Variants in NOP58 observed in about 807,000 individuals in gnomAD.
The protein encoded by NOP58 is nucleolar protein 58.
A neutral mutation model predicts 71.2 loss-of-function variants in NOP58; 44 were observed. The ratio of observed to expected loss-of-function variants is 0.62; its 90% CI spans 0.49 to 0.79. NOP58 has a LOEUF of 0.79. Among genes scored for constraint, NOP58 ranks in the 30% least tolerant of loss-of-function variants. The probability of loss-of-function intolerance (pLI) is 0.00; values close to 1 mark genes in which losing one functional copy is unlikely to be tolerated. For missense variants in NOP58, 538 were observed against 620.2 expected (o/e 0.87, Z 1.41); for synonymous variants, 228 against 200.3 (o/e 1.14, Z -1.17).
At chr2:202,281,476 C>CA (rs937775156) in intron 3 of NOP58, among the ~76,000 whole-genome samples, 23 of 152,088 alleles carry the variant, frequency 1.5e-4, no homozygotes, top group African/African-American at 5.6e-4. Flanking sequence ...CAGGGTCTGT[C>CA]ACCAGGCTGC....
chr2:202,277,458 A>G (rs957869230), intron 2 of NOP58, among the ~76,000 whole-genome samples: 2 of 151,906 alleles, frequency 1.3e-5, no homozygotes, highest in Non-Finnish European at 2.9e-5. Flanking sequence ...AGCGTGGGTG[A>G]CAGTGAGATT....
chr2:202,277,304 C>CAA (rs1189696329), intron 2 of NOP58, among the ~76,000 whole-genome samples: 3 of 115,000 alleles, frequency 2.6e-5, no homozygotes, highest in Non-Finnish European at 3.7e-5. Context: ...GACTCTGTCT[C>CAA]AAAAAAAAAA....
intron 2 of NOP58, chr2:202,275,420 C>A (rs1220419966): frequency 7.1e-6 from 3 of 423,406 alleles, no homozygotes; most frequent in Non-Finnish European, 1.3e-5. Context: ...GATTATGTTC[C>A]AGAAGACCCT....
intron 14 of NOP58, 34 bp downstream of exon 14, chr2:202,303,091 G>C (rs1689120052): frequency 6.3e-7 from 1 of 1,599,490 alleles, no homozygotes; most frequent in African/African-American, 1.3e-5. Context: ...TTTTCACTTG[G>C]AGGGGCCAGT....
chr2:202,294,112 C>G (rs935940368), intron 9 of NOP58, among the ~76,000 whole-genome samples: 1 of 151,292 alleles, frequency 6.6e-6, no homozygotes, highest in Non-Finnish European at 1.5e-5. Flanking sequence ...GTCAGGAGTT[C>G]GAGACCAGCC....
In NOP58 at chr2:202,292,668, G is replaced by C; in HGVS notation, c.781-109G>C. ...GCATAGGTGATGTACCCAGTACCCA[G>C]GGTTGTGTAGCTGCTCTTTCATAAT... On this transcript the variant is annotated intron_variant, in intron 8 of 14. Transcript: ENST00000264279. 3.6e-6 allele frequency: 3 copies of C among 841,108 alleles called. No individual in the cohort carries two copies. The South Asian group carries it at 4.5e-5, about 13-fold the overall frequency. 52.1% of individuals were successfully genotyped at this position (841,108 alleles called of 1,614,324 possible).
Position 202,277,985 on chromosome 2 carries a change from C to A in NOP58, c.158C>A (p.Thr53Lys). Residue 53 changes from threonine (T) to lysine (K), a missense_variant, in exon 3 of 15, where the codon ACA (threonine) becomes AAA (lysine). Transcript: ENST00000264279. ...KLKHFEKFQDTAEALAAFTAL... is the reference protein window; with the variant it reads ...KLKHFEKFQDKAEALAAFTAL... ...AAACATTTTGAGAAATTTCAGGATA[C>A]AGCAGAAGCATTAGCAGGTAAAGTA... The A allele has an allele frequency of 2.6e-6, 4 of 1,551,278 alleles. No homozygotes were observed. The highest frequency in any genetic ancestry group is 3.5e-6 in the Non-Finnish European group (4 of 1,130,810).
At chr2:202,291,892 T>C (rs1688907000) in intron 8 of NOP58, among the ~76,000 whole-genome samples, 1 of 150,726 alleles carries the variant, frequency 6.6e-6, no homozygotes, top group Non-Finnish European at 1.5e-5. Flanking sequence ...ATCTTGTGAT[T>C]TTTTTTTCTT....
intron 9 of NOP58, among the ~76,000 whole-genome samples, chr2:202,294,105 A>G (rs1489540169): frequency 6.6e-6 from 1 of 151,420 alleles, no homozygotes; most frequent in Admixed American, 6.6e-5. Flanking sequence ...ACCTGAGGTC[A>G]GGAGTTCGAG....
intron 3 of NOP58, among the ~76,000 whole-genome samples, chr2:202,279,420 ATC>A (rs1388695326): frequency 6.6e-6 from 1 of 152,256 alleles, no homozygotes; most frequent in African/African-American, 2.4e-5. Flanking sequence ...GATAACCATC[ATC>A]TCTATGTTAC....
At chr2:202,297,761 C>A (rs1689017467) in intron 11 of NOP58, 84 bp from the exon 12 acceptor site, 7 of 855,362 alleles carry the variant, frequency 8.2e-6, no homozygotes, top group Non-Finnish European at 1.3e-5. Flanking sequence ...TGTTTGCTGG[C>A]CCACTGATTC....
intron 10 of NOP58, 58 bp downstream of exon 10, chr2:202,295,895 C>A (rs980966788): frequency 7.3e-7 from 1 of 1,371,924 alleles, no homozygotes; most frequent in Non-Finnish European, 9.8e-7. Flanking sequence ...TTTTACAACC[C>A]ATTTTTCTTC....
intron 1 of NOP58, among the ~76,000 whole-genome samples, chr2:202,267,147 G>T (rs1688430823): frequency 6.6e-6 from 1 of 152,154 alleles, no homozygotes; most frequent in Non-Finnish European, 1.5e-5. Context: ...TTCTTGTGCG[G>T]TGCAACTCTT....
chr2:202,288,623 G>A (rs1485723558), intron 6 of NOP58, among the ~76,000 whole-genome samples: 2 of 151,986 alleles, frequency 1.3e-5, no homozygotes, highest in African/African-American at 4.8e-5. Context: ...TTCGAGATCA[G>A]GCCAACATGG....
At chr2:202,298,735 C>T (rs550566045) in intron 12 of NOP58, among the ~76,000 whole-genome samples, 1 of 152,216 alleles carries the variant, frequency 6.6e-6, no homozygotes, top group Admixed American at 6.5e-5. Context: ...ACAAAGCATT[C>T]AAACTTAACT....
chr2:202,269,340 A>ATTT (rs201564474), intron 1 of NOP58, among the ~76,000 whole-genome samples: 9 of 135,202 alleles, frequency 6.7e-5, no homozygotes, highest in African/African-American at 2.2e-4. Flanking sequence ...CCTGGCCTAA[A>ATTT]TTTTTTTTTT....
intron 9 of NOP58, among the ~76,000 whole-genome samples, chr2:202,293,740 A>ATTTTTTTTTTTTTTTTTTTTTTTTTT: frequency 6.6e-6 from 1 of 152,072 alleles, no homozygotes; most frequent in African/African-American, 2.4e-5. Context: ...TGCCTGGCTA[A>ATTTTTTTTTTTTTTTTTTTTTTTTTT]TTTTTATATT....
At chr2:202,280,335 T>C (rs1181181719) in intron 3 of NOP58, among the ~76,000 whole-genome samples, 5 of 152,062 alleles carry the variant, frequency 3.3e-5, no homozygotes, top group African/African-American at 1.2e-4. Context: ...AGATTTTTTT[T>C]TTTTTGGAGA....
chr2:202,290,229 C>T (rs915037479), intron 6 of NOP58, 94 bp from the exon 7 acceptor site: 10 of 1,016,256 alleles, frequency 9.8e-6, no homozygotes, highest in East Asian at 5.2e-5. Context: ...CATGAGCCAC[C>T]GTGCCCAGCC....
Sources: allele counts gnomAD v4.1 joint callset (sites outside exome capture counted in the v4.1 genomes callset), GRCh38; gene constraint gnomAD v4.1.1; transcripts MANE v1.5; gene names NCBI Gene and HGNC (gene_info 2026-07-23, HGNC 2026-07-21).